The following EYS variants were observed in gnomAD, a reference collection of about 807,000 sequenced individuals.
EYS encodes EGF-like photoreceptor maintenance factor.
EYS carries 250 observed loss-of-function variants against 282.1 expected under a neutral mutation model. The observed-to-expected ratio is 0.89, with a 90% CI of 0.80 to 0.98. The LOEUF is 0.98. EYS is among the 50% of genes least tolerant of loss of function. The probability of loss-of-function intolerance (pLI) is 0.00; values close to 1 mark genes in which losing one functional copy is unlikely to be tolerated. For synonymous variants in EYS, 1,355 were observed against 1,282.9 expected, an observed-to-expected ratio of 1.06 and a Z score of -1.20; for missense variants, 4,016 against 3,709.0, an observed-to-expected ratio of 1.08 and a Z score of -2.15.
intron 22 of EYS, among the ~76,000 whole-genome samples, chr6:64,788,511 T>G (rs1027682518): frequency 6.6e-6 from 1 of 152,170 alleles, no homozygotes; most frequent in African/African-American, 2.4e-5. Context: ...TTTTTAGGTG[T>G]TCATGTGTAT....
intron 33 of EYS, among the ~76,000 whole-genome samples, chr6:64,064,667 T>C (rs1222322505): frequency 6.6e-6 from 1 of 152,180 alleles, no homozygotes; most frequent in African/African-American, 2.4e-5. Context: ...AGAATCTGAA[T>C]GGTTTGAGGA....
intron 31 of EYS, among the ~76,000 whole-genome samples, chr6:64,199,565 A>G (rs565507447): frequency 1.3e-5 from 2 of 152,224 alleles, no homozygotes; most frequent in South Asian, 2.1e-4. Flanking sequence ...ACAAAAGCCA[A>G]AATTGACAAA....
At chr6:64,255,677 A>G (rs992244315) in intron 30 of EYS, among the ~76,000 whole-genome samples, 1 of 152,068 alleles carries the variant, frequency 6.6e-6, no homozygotes, top group African/African-American at 2.4e-5. Flanking sequence ...TATGACTTAA[A>G]TAACCAAGTG....
chr6:64,397,385 T>C (rs1235550244), intron 28 of EYS, among the ~76,000 whole-genome samples: 1 of 152,068 alleles, frequency 6.6e-6, no homozygotes, highest in Admixed American at 6.6e-5. Context: ...CTACCTTTTA[T>C]GTATGATAGA....
chr6:64,416,437 C>T (rs2150447438), intron 28 of EYS, among the ~76,000 whole-genome samples: 1 of 151,828 alleles, frequency 6.6e-6, no homozygotes, highest in East Asian at 1.9e-4. Flanking sequence ...AATTTCTGAG[C>T]TTATTAAAAT....
chr6:65,273,778 T>G (rs1767968377), intron 12 of EYS, among the ~76,000 whole-genome samples: 1 of 152,162 alleles, frequency 6.6e-6, no homozygotes, highest in African/African-American at 2.4e-5. Flanking sequence ...CTTCTGTAGG[T>G]CTGCTTATAA....
chr6:64,270,311 T>C (rs1767900822), intron 30 of EYS, among the ~76,000 whole-genome samples: 1 of 152,006 alleles, frequency 6.6e-6, no homozygotes, highest in Non-Finnish European at 1.5e-5. Context: ...TATACTTATA[T>C]ACTCAACTTT....
chr6:65,239,980 T>A (rs1767017241), intron 12 of EYS, among the ~76,000 whole-genome samples: 3 of 151,902 alleles, frequency 2.0e-5, no homozygotes, highest in Admixed American at 2.0e-4. Flanking sequence ...TGATTTTTTT[T>A]TTTTTTGAGA....
At chr6:64,015,524 A>T (rs540019903) in intron 33 of EYS, among the ~76,000 whole-genome samples, 1 of 152,346 alleles carries the variant, frequency 6.6e-6, no homozygotes, top group East Asian at 1.9e-4. Context: ...AAAAGAAAAA[A>T]TTGGTAACAC....
At chr6:64,685,681 T>G (rs1241711017) in intron 22 of EYS, among the ~76,000 whole-genome samples, 1 of 152,246 alleles carries the variant, frequency 6.6e-6, no homozygotes, top group Non-Finnish European at 1.5e-5. Flanking sequence ...AATCTTCAGC[T>G]GCTGCTGGCA....
intron 26 of EYS, among the ~76,000 whole-genome samples, chr6:64,546,047 T>A (rs960934807): frequency 6.6e-6 from 1 of 152,064 alleles, no homozygotes; most frequent in African/African-American, 2.4e-5. Flanking sequence ...GAAACAAAAA[T>A]GAGCCCGCAT....
intron 2 of EYS, among the ~76,000 whole-genome samples, chr6:65,521,666 G>A (rs1767377260): frequency 6.6e-6 from 1 of 151,954 alleles, no homozygotes; most frequent in Non-Finnish European, 1.5e-5. Flanking sequence ...TCATTATTTT[G>A]GAAGAAAGTA....
At chr6:64,700,312 A>G (rs1305794196) in intron 22 of EYS, among the ~76,000 whole-genome samples, 1 of 152,044 alleles carries the variant, frequency 6.6e-6, no homozygotes, top group Non-Finnish European at 1.5e-5. Context: ...AATTTATCCT[A>G]AGAACTGGAA....
chr6:65,605,820 G>T (rs1413458498), intron 2 of EYS, among the ~76,000 whole-genome samples: 1 of 151,650 alleles, frequency 6.6e-6, no homozygotes, highest in East Asian at 1.9e-4. Flanking sequence ...GTGTATGTGT[G>T]TATATATTTA....
intron 11 of EYS, among the ~76,000 whole-genome samples, chr6:65,320,156 A>G (rs946340003): frequency 1.3e-5 from 2 of 152,104 alleles, no homozygotes; most frequent in Admixed American, 1.3e-4. Flanking sequence ...CAGGAAAAAA[A>G]AAACACACAC....
intron 19 of EYS, among the ~76,000 whole-genome samples, chr6:64,854,191 G>A (rs1562226782): frequency 1.3e-5 from 2 of 152,108 alleles, no homozygotes; most frequent in Non-Finnish European, 1.5e-5. Flanking sequence ...AGTCAGTGTG[G>A]TGATTCCTCA....
chr6:64,716,289 A>G (rs1376846470), intron 22 of EYS, among the ~76,000 whole-genome samples: 1 of 152,154 alleles, frequency 6.6e-6, no homozygotes, highest in African/African-American at 2.4e-5. Flanking sequence ...ACAAAAACCA[A>G]TTCAGTTTTC....
At chr6:64,157,222 C>T (rs1170573503) in intron 31 of EYS, among the ~76,000 whole-genome samples, 1 of 152,030 alleles carries the variant, frequency 6.6e-6, no homozygotes. Context: ...AGGACATGAA[C>T]TCATCATTTC....
chr6:65,529,774 C>T (rs1216061560), intron 2 of EYS, among the ~76,000 whole-genome samples: 1 of 152,048 alleles, frequency 6.6e-6, no homozygotes, highest in East Asian at 1.9e-4. Context: ...GGGATTAATG[C>T]CTTTATGAAA....
Sources: gnomAD v4.1 joint callset for allele counts (sites outside exome capture counted in the v4.1 genomes callset) on GRCh38, gnomAD v4.1.1 for gene constraint, MANE v1.5 for transcripts, NCBI Gene and HGNC (gene_info 2026-07-23, HGNC 2026-07-21) for gene names.